USH2A: variants seen among roughly 807,000 people sequenced by gnomAD.
USH2A encodes Usher syndrome 2A (autosomal recessive, mild).
In USH2A, 443 loss-of-function variants were observed where a neutral mutation model predicts 538.9. The ratio of observed to expected loss-of-function variants is 0.82; its 90% confidence interval spans 0.76 to 0.89. The LOEUF (loss-of-function observed/expected upper bound fraction) is 0.89. Among genes scored for constraint, USH2A ranks in the 40% least tolerant of loss-of-function variants. USH2A has a pLI of 0.00. For missense variants in USH2A, 6,633 were observed against 6,324.8 expected (o/e 1.05, Z -1.65); for synonymous variants, 2,413 against 2,273.5 (o/e 1.06, Z -1.75).
At chr1:215,652,608 G>A (rs1558038758) in intron 64 of USH2A, among the ~76,000 whole-genome samples, 1 of 152,104 alleles carries the variant, frequency 6.6e-6, no homozygotes, top group Non-Finnish European at 1.5e-5. Flanking sequence ...CACTAGGGAG[G>A]GGAGGTGGAG....
intron 11 of USH2A, among the ~76,000 whole-genome samples, chr1:216,257,643 C>T (rs1002695782): frequency 4.0e-5 from 6 of 151,816 alleles, no homozygotes; most frequent in Non-Finnish European, 7.4e-5. Flanking sequence ...ATATTCCCAC[C>T]TCCACCCCAC....
At chr1:215,811,040 T>C (rs1222332855) in intron 49 of USH2A, among the ~76,000 whole-genome samples, 1 of 152,186 alleles carries the variant, frequency 6.6e-6, no homozygotes, top group African/African-American at 2.4e-5. Flanking sequence ...GCAAAAATTA[T>C]GACAGTAAGA....
intron 21 of USH2A, among the ~76,000 whole-genome samples, chr1:216,100,587 A>G (rs2032553960): frequency 6.6e-6 from 1 of 152,142 alleles, no homozygotes; most frequent in Non-Finnish European, 1.5e-5. Flanking sequence ...CAAAAATGCT[A>G]TAATTTGGAA....
At chr1:216,292,628 T>A (rs2037024462) in intron 9 of USH2A, among the ~76,000 whole-genome samples, 1 of 152,106 alleles carries the variant, frequency 6.6e-6, no homozygotes, top group African/African-American at 2.4e-5. Context: ...TTTTTGTGGG[T>A]ACGTAGTAGG....
intron 61 of USH2A, among the ~76,000 whole-genome samples, chr1:215,713,173 C>A (rs1333513604): frequency 6.6e-6 from 1 of 152,206 alleles, no homozygotes; most frequent in East Asian, 1.9e-4. Flanking sequence ...TGTCAACACA[C>A]TATGACACCA....
chr1:216,400,044 A>G (rs555047650), intron 3 of USH2A, among the ~76,000 whole-genome samples: 1 of 152,260 alleles, frequency 6.6e-6, no homozygotes, highest in South Asian at 2.1e-4. Flanking sequence ...CATCAAAATA[A>G]CAACTTGAAT....
At chr1:216,056,204 G>A (rs554797329) in intron 30 of USH2A, among the ~76,000 whole-genome samples, 3 of 152,128 alleles carry the variant, frequency 2.0e-5, no homozygotes, top group Admixed American at 6.5e-5. Flanking sequence ...TTGAAGCCAC[G>A]TGCTTGTGTT....
intron 14 of USH2A, among the ~76,000 whole-genome samples, chr1:216,231,399 A>G (rs2035688752): frequency 6.7e-6 from 1 of 148,758 alleles, no homozygotes; most frequent in Non-Finnish European, 1.5e-5. Context: ...TTTTTGAGAG[A>G]AAATATATTT....
intron 65 of USH2A, 84 bp downstream of exon 65, chr1:215,650,508 A>C: frequency 6.5e-7 from 1 of 1,541,352 alleles, no homozygotes; most frequent in South Asian, 1.1e-5. Context: ...AGATGGAGGG[A>C]AAAACAAAAA....
chr1:216,349,088 T>C (rs1364770465), intron 4 of USH2A, among the ~76,000 whole-genome samples: 1 of 152,162 alleles, frequency 6.6e-6, no homozygotes, highest in Non-Finnish European at 1.5e-5. Flanking sequence ...GCTTACCGAA[T>C]GTTTTCTTAA....
At chr1:215,733,819 G>C (rs992638303) in intron 60 of USH2A, among the ~76,000 whole-genome samples, 3 of 152,218 alleles carry the variant, frequency 2.0e-5, no homozygotes, top group Non-Finnish European at 4.4e-5. Context: ...TGACTCCTAA[G>C]GCTTTGGGTA....
At chr1:216,379,485 T>C (rs1192329008) in intron 3 of USH2A, among the ~76,000 whole-genome samples, 2 of 152,014 alleles carry the variant, frequency 1.3e-5, no homozygotes, top group Non-Finnish European at 2.9e-5. Flanking sequence ...AGTTAACAAA[T>C]TGTAAGAAGT....
At chr1:215,661,525 C>T (rs1245455106) in intron 64 of USH2A, among the ~76,000 whole-genome samples, 1 of 152,120 alleles carries the variant, frequency 6.6e-6, no homozygotes, top group East Asian at 1.9e-4. Context: ...TAAATAGCCT[C>T]TTCATTAAAT....
At chr1:216,021,324 C>T (rs1217050891) in intron 32 of USH2A, among the ~76,000 whole-genome samples, 1 of 152,046 alleles carries the variant, frequency 6.6e-6, no homozygotes, top group Non-Finnish European at 1.5e-5. Flanking sequence ...CCATACTGTT[C>T]TCGTGGTAGT....
chr1:216,219,819 A>G (rs1260760242), intron 14 of USH2A, among the ~76,000 whole-genome samples: 1 of 152,200 alleles, frequency 6.6e-6, no homozygotes, highest in Non-Finnish European at 1.5e-5. Context: ...CAAGATTTAT[A>G]TAGATAAACA....
intron 32 of USH2A, among the ~76,000 whole-genome samples, chr1:216,001,571 A>G (rs903292248): frequency 3.3e-5 from 5 of 152,324 alleles, no homozygotes; most frequent in Admixed American, 3.3e-4. Flanking sequence ...CTTACTAATC[A>G]TTAATACTTT....
rs917179385 is a variant in USH2A at position 215,623,369 on chromosome 1, T to G, written c.*2412A>C. The G allele has an allele frequency of 3.9e-5, 6 of 152,118 alleles. No individual in the cohort carries two copies. The highest frequency in any genetic ancestry group is 1.3e-4 in the Admixed American group (2 of 15,262). The allele number at this position is 152,118 out of a possible 1,614,324, so 9.4% of individuals were successfully genotyped here. A position where few individuals can be genotyped will look rare whatever the true frequency, so the allele number is the denominator to read the frequency against. On this transcript the variant is annotated 3_prime_UTR_variant, in exon 72 of 72. Coordinates refer to ENST00000307340, the MANE Select transcript of USH2A (RefSeq NM_206933.4). The stretch of plus-strand genomic sequence containing the variant: ...CATAGCATATTATTCCTGTACATGA[T>G]TTCTTCCAGATTGTGGAACATCAGT...
intron 4 of USH2A, among the ~76,000 whole-genome samples, chr1:216,355,381 A>AAGAAAGAAAG: frequency 6.6e-6 from 1 of 150,484 alleles, no homozygotes. Flanking sequence ...GAAAGAAGGA[A>AAGAAAGAAAG]AGAAACATAT....
At chr1:216,365,563 G>T (rs145267836) in intron 3 of USH2A, among the ~76,000 whole-genome samples, 1 of 152,100 alleles carries the variant, frequency 6.6e-6, no homozygotes, top group Non-Finnish European at 1.5e-5. Context: ...ATTGGTATCC[G>T]GTTGGTGATT....
Sources: gnomAD v4.1 joint callset for allele counts (sites outside exome capture counted in the v4.1 genomes callset) on GRCh38, gnomAD v4.1.1 for gene constraint, MANE v1.5 for transcripts, NCBI Gene and HGNC (gene_info 2026-07-23, HGNC 2026-07-21) for gene names.